Variants in KCNH8 observed in about 807,000 individuals in gnomAD.
The protein encoded by KCNH8 is voltage-gated delayed rectifier potassium channel KCNH8.
In KCNH8, 70 loss-of-function variants were observed where a neutral mutation model predicts 103.6. The observed-to-expected ratio is 0.68, with a 90% CI of 0.56 to 0.82. The LOEUF is 0.82. Among genes scored for constraint, KCNH8 ranks in the 40% least tolerant of loss-of-function variants. The probability of loss-of-function intolerance (pLI) is 0.00; values close to 1 mark genes in which losing one functional copy is unlikely to be tolerated. For missense variants in KCNH8, 1,217 were observed against 1,329.9 expected (o/e 0.92, Z 1.32); for synonymous variants, 498 against 489.4 (o/e 1.02, Z -0.23).
chr3:19,306,196 G>A (rs1015458937), intron 3 of KCNH8, among the ~76,000 whole-genome samples: 2 of 151,990 alleles, frequency 1.3e-5, no homozygotes, highest in Admixed American at 6.6e-5. Context: ...AGAATTCACC[G>A]ATTAGGATGG....
At chr3:19,521,398 G>A (rs960645303) in intron 15 of KCNH8, among the ~76,000 whole-genome samples, 2 of 151,918 alleles carry the variant, frequency 1.3e-5, no homozygotes, top group Non-Finnish European at 2.9e-5. Context: ...CTGTAATCAA[G>A]GATTGTTGTG....
chr3:19,253,886 C>T lies in KCNH8; in HGVS notation c.309C>T (p.Asn103=), dbSNP rs373290866. The change falls in exon 2 of 16, where the codon AAC becomes AAT. Residue 103 remains asparagine (N), a splice_region_variant and synonymous_variant. Transcript: ENST00000328405. ...GAGAAATTATGTTCTACAAGAAAAA[C>T]GGTGAGTTGGCTTTCTTTCGTGCTC... ...FKGEIMFYKK[N]GSPFWCLLDI... is the part of the protein sequence containing the mutation. 2.7e-5 allele frequency: 44 copies of T among 1,606,762 alleles called. No homozygotes were observed. Among genetic ancestry groups the T allele is most frequent in the East Asian group, 2.2e-4 (10 of 44,836 alleles).
At chr3:19,513,786 AACTT>A (rs1328215698) in intron 13 of KCNH8, among the ~76,000 whole-genome samples, 1 of 152,092 alleles carries the variant, frequency 6.6e-6, no homozygotes, top group Non-Finnish European at 1.5e-5. Flanking sequence ...GGACGGCTAA[AACTT>A]AGTTTTATTT....
intron 2 of KCNH8, among the ~76,000 whole-genome samples, chr3:19,270,110 C>A (rs1383443202): frequency 6.6e-6 from 1 of 152,138 alleles, no homozygotes; most frequent in Non-Finnish European, 1.5e-5. Flanking sequence ...TAATTATGAC[C>A]TGTATCTGGC....
chr3:19,287,090 A>G (rs1208498723), intron 3 of KCNH8, among the ~76,000 whole-genome samples: 1 of 151,784 alleles, frequency 6.6e-6, no homozygotes, highest in Admixed American at 6.6e-5. Context: ...ACAGCCATCA[A>G]TATATTGATG....
At chr3:19,384,753 C>A (rs2066334351) in intron 5 of KCNH8, among the ~76,000 whole-genome samples, 1 of 152,100 alleles carries the variant, frequency 6.6e-6, no homozygotes, top group Non-Finnish European at 1.5e-5. Context: ...CCCACACTGG[C>A]CAGACCACTT....
intron 10 of KCNH8, among the ~76,000 whole-genome samples, chr3:19,454,329 C>A (rs2067498295): frequency 1.3e-5 from 2 of 152,016 alleles, no homozygotes; most frequent in African/African-American, 2.4e-5. Flanking sequence ...GTTTCAAAAA[C>A]TTAACCTTAA....
At chr3:19,473,045 A>T (rs2067896248) in intron 11 of KCNH8, among the ~76,000 whole-genome samples, 1 of 152,166 alleles carries the variant, frequency 6.6e-6, no homozygotes, top group South Asian at 2.1e-4. Context: ...GGCTTCCCAA[A>T]CAAGGGAACT....
Position 19,198,983 on chromosome 3 carries a change from C to T in KCNH8, c.76+50188C>T, listed in dbSNP as rs542157985. Reference sequence around the variant, plus strand: ...AATCAGAACCTCAAGCAGTGGCAGGCGTCAGGTGAACAGATGATAAAGACT... The same window carrying T: ...AATCAGAACCTCAAGCAGTGGCAGGTGTCAGGTGAACAGATGATAAAGACT... On this transcript the variant is annotated intron_variant, in intron 1 of 15. Coordinates refer to ENST00000328405, the MANE Select transcript of KCNH8 (RefSeq NM_144633.3). Among the ~76,000 whole-genome samples, 18 of 152,044 alleles carry T rather than the reference C, an allele frequency of 1.2e-4. No homozygotes were observed. In the South Asian group the frequency reaches 2.7e-3, roughly 23 times the overall value.
chr3:19,236,512 A>G (rs1386830169), intron 1 of KCNH8, among the ~76,000 whole-genome samples: 1 of 152,152 alleles, frequency 6.6e-6, no homozygotes, highest in Non-Finnish European at 1.5e-5. Context: ...TGCTTTTGAG[A>G]GTTGAAGGTG....
At chr3:19,420,149 G>A (rs935518392) in intron 7 of KCNH8, among the ~76,000 whole-genome samples, 8 of 152,202 alleles carry the variant, frequency 5.3e-5, no homozygotes, top group Non-Finnish European at 1.0e-4. Context: ...ATTAAGTGAT[G>A]TAGAGTGATT....
rs2069224878 is a variant in KCNH8, at chr3:19,534,105, G to C, written c.*6G>C. 4 of 1,600,870 alleles carry C rather than the reference G, an allele frequency of 2.5e-6. No individual in the cohort carries two copies. Among genetic ancestry groups the C allele is most frequent in the Non-Finnish European group, 3.4e-6 (4 of 1,169,402 alleles). On this transcript the variant is annotated 3_prime_UTR_variant, in exon 16 of 16. Coordinates refer to ENST00000328405, the MANE Select transcript of KCNH8 (RefSeq NM_144633.3). The stretch of plus-strand genomic sequence containing the variant: ...ACAAAGCCATAAATGTATGATATTA[G>C]TGCCCATGATGCAGCAGCTAATTTC...
chr3:19,369,637 C>T (rs1242564992), intron 5 of KCNH8, among the ~76,000 whole-genome samples: 1 of 151,822 alleles, frequency 6.6e-6, no homozygotes, highest in Non-Finnish European at 1.5e-5. Context: ...CTTAAAATAC[C>T]ACAGGTTGGA....
At chr3:19,231,381 T>C (rs1024847983) in intron 1 of KCNH8, among the ~76,000 whole-genome samples, 22 of 152,332 alleles carry the variant, frequency 1.4e-4, no homozygotes, top group African/African-American at 5.3e-4. Flanking sequence ...CTGTAACTTC[T>C]TTTGAGTAAA....
intron 1 of KCNH8, among the ~76,000 whole-genome samples, chr3:19,242,086 C>T (rs1417104623): frequency 6.6e-6 from 1 of 151,980 alleles, no homozygotes; most frequent in Non-Finnish European, 1.5e-5. Flanking sequence ...TATAAAATAC[C>T]AGGTGTGAGG....
At position 19,368,611 on chromosome 3, in the gene KCNH8, T is replaced by C. The variant is rs574637095; in HGVS notation, c.811+20646T>C. Among the ~76,000 whole-genome samples, 5 of 152,126 alleles carry C rather than the reference T, an allele frequency of 3.3e-5. No homozygotes were observed. In the East Asian group the frequency reaches 9.7e-4, roughly 29 times the overall value. On this transcript the variant is annotated intron_variant, in intron 5 of 15. Transcript: ENST00000328405. The stretch of plus-strand genomic sequence containing the variant: ...AGTGGAATGTTTCAAGAGACCGTCC[T>C]CAAATAAGGCCATTGAATAAAGATT...
chr3:19,491,629 G>C (rs554427396), intron 11 of KCNH8, among the ~76,000 whole-genome samples: 11 of 152,310 alleles, frequency 7.2e-5, no homozygotes, highest in Admixed American at 1.3e-4. Context: ...TTGCTATAGT[G>C]AGTAGTGCAG....
At position 19,305,261 on chromosome 3, in the gene KCNH8, A is replaced by G. The variant is rs373741333; in HGVS notation, c.442+23932A>G. On this transcript the variant is annotated intron_variant, in intron 3 of 15. Coordinates refer to ENST00000328405, the MANE Select transcript of KCNH8 (RefSeq NM_144633.3). ...ATCTATATCCAGCATAATTGCCAAT[A>G]AAGTCAAAGGTAGAAAAAATAGATT... Among the ~76,000 whole-genome samples, 15 of 152,286 alleles carry G rather than the reference A, an allele frequency of 9.8e-5. 1 individual carries two copies. The highest frequency in any genetic ancestry group is 4.6e-4 in the Admixed American group (7 of 15,294).
At position 19,388,785 on chromosome 3, in the gene KCNH8, C is replaced by T. The variant is rs575459878; in HGVS notation, c.812-1696C>T. Among the ~76,000 whole-genome samples, 52 of 152,172 alleles carry T rather than the reference C, an allele frequency of 3.4e-4. 1 individual carries two copies. In the South Asian group the frequency reaches 3.7e-3, roughly 11 times the overall value. ...AAGGTACCAAACCCAAAGTCCTGAACTGGAATTCAGGAGACTTGAATTTGG... is the reference window on the plus strand; with the variant it reads ...AAGGTACCAAACCCAAAGTCCTGAATTGGAATTCAGGAGACTTGAATTTGG... On this transcript the variant is annotated intron_variant, in intron 5 of 15. Coordinates refer to ENST00000328405, the MANE Select transcript of KCNH8 (RefSeq NM_144633.3).
Sources: allele counts gnomAD v4.1 joint callset (sites outside exome capture counted in the v4.1 genomes callset), GRCh38; gene constraint gnomAD v4.1.1; transcripts MANE v1.5; gene names NCBI Gene and HGNC (gene_info 2026-07-23, HGNC 2026-07-21).